The following OPCML variants were observed in gnomAD, a reference collection of about 807,000 sequenced individuals.
OPCML encodes opioid-binding protein/cell adhesion molecule.
A neutral mutation model predicts 37.8 loss-of-function variants in OPCML; 13 were observed. The observed-to-expected ratio is 0.34, with a 90% CI of 0.22 to 0.55. The LOEUF (loss-of-function observed/expected upper bound fraction) is 0.55. OPCML is among the 20% of genes least tolerant of loss of function. OPCML has a pLI of 0.91. For synonymous variants in OPCML, 176 were observed against 168.8 expected (o/e 1.04, Z -0.33); for missense variants, 341 against 435.6 (o/e 0.78, Z 1.93).
intron 1 of OPCML, among the ~76,000 whole-genome samples, chr11:133,288,297 G>A (rs1028337110): frequency 2.0e-5 from 3 of 152,168 alleles, no homozygotes; most frequent in African/African-American, 7.2e-5. Context: ...AGACTTAGCA[G>A]GTTATGCTGG....
chr11:133,299,826 G>A (rs991261756), intron 1 of OPCML: 6 of 152,166 alleles, frequency 3.9e-5, no homozygotes, highest in Non-Finnish European at 5.9e-5. Flanking sequence ...ACGGGAAGAG[G>A]AGGAAAGAAG....
intron 1 of OPCML, among the ~76,000 whole-genome samples, chr11:133,137,512 A>G (rs1949709851): frequency 6.6e-6 from 1 of 152,208 alleles, no homozygotes; most frequent in Non-Finnish European, 1.5e-5. Context: ...AGTTCCAGAT[A>G]TCTCTCATGC....
intron 3 of OPCML, among the ~76,000 whole-genome samples, chr11:132,543,065 G>A (rs939347842): frequency 6.6e-6 from 1 of 151,238 alleles, no homozygotes; most frequent in Non-Finnish European, 1.5e-5. Flanking sequence ...TGTGGGAAGA[G>A]GGGAAAGGGT....
At chr11:132,894,928 A>T (rs772916778) in intron 2 of OPCML, among the ~76,000 whole-genome samples, 6 of 152,156 alleles carry the variant, frequency 3.9e-5, no homozygotes, top group Non-Finnish European at 8.8e-5. Context: ...CAGCCTCAGT[A>T]ATCAGGTGAG....
At chr11:132,485,678 G>A (rs893603358) in intron 4 of OPCML, among the ~76,000 whole-genome samples, 1 of 152,082 alleles carries the variant, frequency 6.6e-6, no homozygotes, top group Admixed American at 6.5e-5. Flanking sequence ...GGCTTCTTTT[G>A]CTTAACCTAA....
chr11:133,477,452 A>G (rs2137018808), intron 1 of OPCML, among the ~76,000 whole-genome samples: 1 of 152,332 alleles, frequency 6.6e-6, no homozygotes, highest in South Asian at 2.1e-4. Context: ...TAGAGGTGGC[A>G]GTGGGTGGAA....
At chr11:132,917,748 A>C (rs1944654855) in intron 2 of OPCML, among the ~76,000 whole-genome samples, 1 of 152,182 alleles carries the variant, frequency 6.6e-6, no homozygotes, top group African/African-American at 2.4e-5. Context: ...TTTCCTTAAC[A>C]TGAAGTAGCA....
rs142932177 is a variant in OPCML, at chr11:133,335,790, G to C, written c.61+196474C>G. Among the ~76,000 whole-genome samples, 134 of 152,220 alleles carry C rather than the reference G, an allele frequency of 8.8e-4. 1 individual carries two copies. The highest frequency in any genetic ancestry group is 2.9e-3 in the African/African-American group (120 of 41,532). On this transcript the variant is annotated intron_variant, in intron 1 of 7. Coordinates refer to ENST00000524381, the MANE Select transcript of OPCML (RefSeq NM_001012393.5). ...ATTAAGAGAGGAGGTGCAGGCTACT[G>C]GCAAGTGTAGCTCCCAAGAATCAAA...
intron 1 of OPCML, among the ~76,000 whole-genome samples, chr11:133,214,015 AG>A (rs1939482830): frequency 6.6e-6 from 1 of 152,154 alleles, no homozygotes; most frequent in Non-Finnish European, 1.5e-5. Flanking sequence ...TTGTGATGTG[AG>A]CTCTGTACTC....
chr11:132,907,702 C>T (rs2659602), intron 2 of OPCML, among the ~76,000 whole-genome samples: 150,924 of 152,176 alleles, frequency 0.99, 74,847 homozygotes, highest in African/African-American at 1. Flanking sequence ...CAACATGATC[C>T]CTTCAAATGA....
At chr11:133,140,587 A>AAGAAAG (rs1565467502) in intron 1 of OPCML, among the ~76,000 whole-genome samples, 2 of 131,786 alleles carry the variant, frequency 1.5e-5, no homozygotes, top group African/African-American at 2.7e-5. Context: ...AAAGAAGAAA[A>AAGAAAG]AAGAAAGAAG....
intron 1 of OPCML, chr11:133,423,171 G>C: frequency 1.0e-6 from 1 of 985,260 alleles, no homozygotes; most frequent in Non-Finnish European, 1.2e-6. Context: ...TTTACATCTT[G>C]AAGAATTTTA....
chr11:132,835,434 T>C (rs1940951239), intron 2 of OPCML, among the ~76,000 whole-genome samples: 1 of 152,184 alleles, frequency 6.6e-6, no homozygotes, highest in Admixed American at 6.5e-5. Flanking sequence ...TAATAATGCC[T>C]CCTGAATACA....
At chr11:132,770,528 G>A (rs905967036) in intron 2 of OPCML, among the ~76,000 whole-genome samples, 2 of 152,124 alleles carry the variant, frequency 1.3e-5, no homozygotes, top group Admixed American at 6.5e-5. Flanking sequence ...GAAGCACACA[G>A]AAATAATAAG....
At chr11:133,016,557 G>A (rs1165100834) in intron 1 of OPCML, among the ~76,000 whole-genome samples, 1 of 152,164 alleles carries the variant, frequency 6.6e-6, no homozygotes, top group Non-Finnish European at 1.5e-5. Context: ...GGATAATCCA[G>A]GATGTTCATC....
At chr11:132,905,439 G>A (rs1273183725) in intron 2 of OPCML, among the ~76,000 whole-genome samples, 1 of 151,768 alleles carries the variant, frequency 6.6e-6, no homozygotes, top group Non-Finnish European at 1.5e-5. Flanking sequence ...CATCATGTTG[G>A]CCAGGATGGT....
At chr11:132,458,315 C>A (rs2096089366) in intron 4 of OPCML, among the ~76,000 whole-genome samples, 1 of 152,112 alleles carries the variant, frequency 6.6e-6, no homozygotes, top group African/African-American at 2.4e-5. Flanking sequence ...TATATTCTAC[C>A]CACTTCCTCT....
At chr11:133,197,226 T>A (rs2136312453) in intron 1 of OPCML, among the ~76,000 whole-genome samples, 1 of 152,358 alleles carries the variant, frequency 6.6e-6, no homozygotes, top group Middle Eastern at 3.4e-3. Context: ...CCATCAGGTA[T>A]AATGGATCCT....
At chr11:133,262,027 T>C (rs1462920054) in intron 1 of OPCML, among the ~76,000 whole-genome samples, 2 of 152,236 alleles carry the variant, frequency 1.3e-5, no homozygotes, top group Non-Finnish European at 2.9e-5. Context: ...AAAGGGACTT[T>C]ACTACTCTTG....
Sources: allele counts gnomAD v4.1 joint callset (sites outside exome capture counted in the v4.1 genomes callset), GRCh38; gene constraint gnomAD v4.1.1; transcripts MANE v1.5; gene names NCBI Gene and HGNC (gene_info 2026-07-23, HGNC 2026-07-21).